Variants in HFM1 observed in about 807,000 individuals in gnomAD.
The protein encoded by HFM1 is probable ATP-dependent DNA helicase HFM1.
In HFM1, 169 loss-of-function variants were observed where a neutral mutation model predicts 192.1. The ratio of observed to expected loss-of-function variants is 0.88; its 90% confidence interval spans 0.78 to 1.00. The LOEUF (loss-of-function observed/expected upper bound fraction) is 1.00, where lower values mean the gene tolerates loss of function less well. HFM1 is among the 50% of genes least tolerant of loss of function. The pLI is 0.00. For missense variants in HFM1, 1,661 were observed against 1,668.0 expected (o/e 1.00, Z 0.07); for synonymous variants, 525 against 537.8 (o/e 0.98, Z 0.33).
chr1:91,404,596 AATGCGGCTGAGGC>A (rs1664679700), intron 1 of HFM1, 189 bp downstream of exon 1: 6 of 262,666 alleles, frequency 2.3e-5, no homozygotes. Context: ...TCTGACTGGA[AATGCGGCTGAGGC>A]GCTGGCGCGG....
At chr1:91,357,467 A>C (rs1006009845) in intron 13 of HFM1, among the ~76,000 whole-genome samples, 62 of 152,216 alleles carry the variant, frequency 4.1e-4, no homozygotes, top group Admixed American at 3.3e-3. Context: ...AATGTAACAA[A>C]GGCCATTTAT....
intron 30 of HFM1, among the ~76,000 whole-genome samples, chr1:91,311,422 T>C (rs1650428336): frequency 1.3e-5 from 2 of 152,068 alleles, no homozygotes; most frequent in African/African-American, 4.8e-5. Context: ...GACCAGGAGT[T>C]TGAGACCAGC....
chr1:91,348,338 G>A (rs913227472), intron 18 of HFM1, among the ~76,000 whole-genome samples: 1 of 152,092 alleles, frequency 6.6e-6, no homozygotes, highest in African/African-American at 2.4e-5. Flanking sequence ...AGGAAAGGCT[G>A]GAGAAACAAA....
At chr1:91,301,019 T>C in intron 30 of HFM1, among the ~76,000 whole-genome samples, 1 of 152,248 alleles carries the variant, frequency 6.6e-6, no homozygotes, top group Admixed American at 6.5e-5. Context: ...ATGACATGAT[T>C]GTATATCTAG....
intron 35 of HFM1, 136 bp from the exon 36 acceptor site, chr1:91,266,243 T>G (rs1665758547): frequency 1.5e-6 from 1 of 649,926 alleles, no homozygotes; most frequent in African/African-American, 1.9e-5. Flanking sequence ...TAACCTAATT[T>G]AATTTGCATA....
Position 91,352,496 on chromosome 1 carries a change from T to C in HFM1, c.1977+10A>G, listed in dbSNP as rs2101738916. On this transcript the variant is annotated intron_variant, in intron 16 of 38. Coordinates refer to ENST00000370425, the MANE Select transcript of HFM1 (RefSeq NM_001017975.6). Reference sequence around the variant, plus strand: ...TTTTAAGTATAAAAAGCAAAGTTATTGTCACTTACTTGAGGTCGACCAGCT... The same window carrying C: ...TTTTAAGTATAAAAAGCAAAGTTATCGTCACTTACTTGAGGTCGACCAGCT... 1 of 1,548,928 alleles carries C rather than the reference T, an allele frequency of 6.5e-7. No individual in the cohort carries two copies. The highest frequency in any genetic ancestry group is 1.4e-5 in the African/African-American group (1 of 71,632).
At chr1:91,404,387 C>T (rs748546805) in intron 1 of HFM1, among the ~76,000 whole-genome samples, 1 of 152,250 alleles carries the variant, frequency 6.6e-6, no homozygotes, top group South Asian at 2.1e-4. Context: ...TTCCTCCCAC[C>T]GCTGTGAAAC....
chr1:91,403,599 ATTAT>A (rs1571259861), intron 1 of HFM1, among the ~76,000 whole-genome samples: 1 of 152,266 alleles, frequency 6.6e-6, no homozygotes, highest in African/African-American at 2.4e-5. Context: ...TTAAGTTCCT[ATTAT>A]TTATTATTAA....
intron 36 of HFM1, among the ~76,000 whole-genome samples, chr1:91,262,972 TTA>T (rs1665306555): frequency 6.6e-6 from 1 of 152,182 alleles, no homozygotes. Flanking sequence ...ACATCTCTAG[TTA>T]TCTTATTAGA....
chr1:91,262,825 A>C (rs1045820360), intron 36 of HFM1, among the ~76,000 whole-genome samples: 1 of 152,140 alleles, frequency 6.6e-6, no homozygotes, highest in Non-Finnish European at 1.5e-5. Context: ...GGACTATAGA[A>C]ATAATTATTC....
In HFM1 at chr1:91,352,653, T is replaced by C. The variant is rs1360187120; in HGVS notation, c.1832-2A>G. Reference sequence around the variant, plus strand: ...CCATAGCTAAAGTACTGGTAGTAACTGCATCAGATTAAGACATAGTAATTT... The same window carrying C: ...CCATAGCTAAAGTACTGGTAGTAACCGCATCAGATTAAGACATAGTAATTT... On this transcript the variant is annotated splice_acceptor_variant, in intron 15 of 38. Coordinates refer to ENST00000370425, the MANE Select transcript of HFM1 (RefSeq NM_001017975.6). LOFTEE classifies it high-confidence loss of function. 6.3e-7 allele frequency: 1 copy of C among 1,598,680 alleles called. No individual in the cohort carries two copies. The highest frequency in any genetic ancestry group is 1.3e-5 in the African/African-American group (1 of 74,274).
At chr1:91,333,021 C>T (rs934669125) in intron 20 of HFM1, among the ~76,000 whole-genome samples, 3 of 152,102 alleles carry the variant, frequency 2.0e-5, no homozygotes, top group African/African-American at 7.2e-5. Flanking sequence ...ATTAGTACAA[C>T]CACTATGGAG....
rs745920480 is a variant in HFM1, at chr1:91,267,866, A to G, written c.3773-11T>C. ...TCACATTCAAAACTTCTGAAAATAG[A>G]GAATTGCTTTTATCTGCATCTGTCA... On this transcript the variant is annotated splice_polypyrimidine_tract_variant and intron_variant, in intron 34 of 38. Transcript: ENST00000370425. 4.6e-5 allele frequency: 65 copies of G among 1,414,096 alleles called. No individual in the cohort carries two copies. Among genetic ancestry groups the G allele is most frequent in the Middle Eastern group, 1.8e-4 (1 of 5,602 alleles). 87.6% of individuals were successfully genotyped at this position (1,414,096 alleles called of 1,614,324 possible).
chr1:91,346,596 C>T (rs1170984173), intron 19 of HFM1, among the ~76,000 whole-genome samples: 2 of 152,196 alleles, frequency 1.3e-5, no homozygotes, highest in Admixed American at 1.3e-4. Context: ...TTTAGAGGAC[C>T]TAACATATTT....
At chr1:91,283,531 G>A (rs956588247) in intron 30 of HFM1, among the ~76,000 whole-genome samples, 2 of 152,158 alleles carry the variant, frequency 1.3e-5, no homozygotes, top group African/African-American at 4.8e-5. Context: ...GAGACTACAG[G>A]TGTGAGTCAC....
At chr1:91,396,240 T>A (rs1663640109) in intron 3 of HFM1, 53 bp downstream of exon 3, 1 of 825,006 alleles carries the variant, frequency 1.2e-6, no homozygotes, top group African/African-American at 1.7e-5. Flanking sequence ...TTTAAAAAAA[T>A]ATTGCCATGA....
At chr1:91,394,989 C>G (rs1004980308) in intron 3 of HFM1, among the ~76,000 whole-genome samples, 1 of 151,746 alleles carries the variant, frequency 6.6e-6, no homozygotes, top group African/African-American at 2.4e-5. Flanking sequence ...TATGTATCTA[C>G]ATTATACACT....
intron 20 of HFM1, among the ~76,000 whole-genome samples, chr1:91,325,345 A>T (rs1272341487): frequency 6.6e-6 from 1 of 152,198 alleles, no homozygotes; most frequent in African/African-American, 2.4e-5. Flanking sequence ...CCGAAGTGAA[A>T]GGCCTTGGGA....
intron 30 of HFM1, among the ~76,000 whole-genome samples, chr1:91,285,218 A>G (rs1180385789): frequency 1.3e-5 from 2 of 152,176 alleles, no homozygotes; most frequent in Non-Finnish European, 2.9e-5. Context: ...TATCAGCAGC[A>G]TGAAAACGGA....
Sources: gnomAD v4.1 joint callset for allele counts (sites outside exome capture counted in the v4.1 genomes callset) on GRCh38, gnomAD v4.1.1 for gene constraint, MANE v1.5 for transcripts, NCBI Gene and HGNC (gene_info 2026-07-23, HGNC 2026-07-21) for gene names.